The following HDAC9 variants were observed in gnomAD, a reference collection of about 807,000 sequenced individuals.
HDAC9 encodes the protein MEF-2 interacting transcription repressor (MITR) protein.
Under a neutral mutation model 139.4 loss-of-function variants are expected in HDAC9, and 41 were observed. The observed-to-expected ratio is 0.29, with a 90% CI of 0.23 to 0.38. The LOEUF (loss-of-function observed/expected upper bound fraction) is 0.38. HDAC9 is among the 10% of genes least tolerant of loss of function. The pLI is 1.00. For synonymous variants in HDAC9, 517 were observed against 476.2 expected (o/e 1.09, Z -1.12); for missense variants, 1,147 against 1,297.0 (o/e 0.88, Z 1.78).
chr7:18,487,845 G>A (rs1407585549), intron 1 of HDAC9, among the ~76,000 whole-genome samples: 1 of 151,984 alleles, frequency 6.6e-6, no homozygotes, highest in East Asian at 1.9e-4. Flanking sequence ...TTTGTAGCAA[G>A]AAATGATGTA....
At chr7:18,759,495 AG>A (rs753093949) in intron 14 of HDAC9, among the ~76,000 whole-genome samples, 2 of 151,942 alleles carry the variant, frequency 1.3e-5, no homozygotes, top group Non-Finnish European at 2.9e-5. Context: ...TCACCCCCAG[AG>A]GGGACCATCT....
At chr7:18,383,242 C>G (rs1035612149) in intron 1 of HDAC9, among the ~76,000 whole-genome samples, 2 of 152,170 alleles carry the variant, frequency 1.3e-5, no homozygotes, top group Admixed American at 1.3e-4. Context: ...ACCCAGAAAT[C>G]GATGTGCTCG....
At chr7:18,697,900 A>G (rs554320531) in intron 12 of HDAC9, among the ~76,000 whole-genome samples, 6 of 152,226 alleles carry the variant, frequency 3.9e-5, no homozygotes, top group African/African-American at 1.4e-4. Context: ...GGTGATCAGT[A>G]CTAAAGCCTT....
rs144142006 is a variant in HDAC9 at position 18,902,637 on chromosome 7, A to G, written c.2803+28041A>G. On this transcript the variant is annotated intron_variant, in intron 22 of 25. Transcript: ENST00000686413. ...CAATTGACAAGGGCAGGGGGAAATGATTGAATGAACTGCATCACTGAAATA... is the reference window on the plus strand; with the variant it reads ...CAATTGACAAGGGCAGGGGGAAATGGTTGAATGAACTGCATCACTGAAATA... Among the ~76,000 whole-genome samples, 41 of 152,316 alleles carry G rather than the reference A, an allele frequency of 2.7e-4. 1 individual carries two copies. Among genetic ancestry groups the G allele is most frequent in the African/African-American group, 9.9e-4 (41 of 41,568 alleles).
chr7:18,320,386 T>A (rs1224310127), intron 1 of HDAC9, among the ~76,000 whole-genome samples: 1 of 152,200 alleles, frequency 6.6e-6, no homozygotes, highest in African/African-American at 2.4e-5. Context: ...GCTCTTATTT[T>A]TCAGGACAGT....
intron 17 of HDAC9, among the ~76,000 whole-genome samples, chr7:18,826,985 C>T (rs1430254814): frequency 6.6e-6 from 1 of 151,738 alleles, no homozygotes; most frequent in Non-Finnish European, 1.5e-5. Context: ...GGGTGCAGTG[C>T]TGCACAGCTG....
At chr7:18,653,847 T>C (rs1790174696) in intron 11 of HDAC9, among the ~76,000 whole-genome samples, 1 of 152,130 alleles carries the variant, frequency 6.6e-6, no homozygotes, top group South Asian at 2.1e-4. Context: ...TTTGACATAA[T>C]TTTCTAACAT....
intron 16 of HDAC9, among the ~76,000 whole-genome samples, chr7:18,788,856 C>T (rs576863556): frequency 9.2e-5 from 14 of 152,012 alleles, no homozygotes; most frequent in East Asian, 1.9e-4. Context: ...GCTCACATGT[C>T]GCTTTCTGTG....
At chr7:18,243,309 G>T (rs893794414) in intron 2 of HDAC9, among the ~76,000 whole-genome samples, 1 of 152,166 alleles carries the variant, frequency 6.6e-6, no homozygotes, top group African/African-American at 2.4e-5. Context: ...TGGTTCTAAG[G>T]ACTAAAGCAT....
At chr7:18,468,479 G>C (rs753389174) in intron 1 of HDAC9, among the ~76,000 whole-genome samples, 1 of 151,940 alleles carries the variant, frequency 6.6e-6, no homozygotes, top group East Asian at 1.9e-4. Context: ...GCCCAGGCTG[G>C]AATGCAGTGG....
At chr7:18,582,818 G>A (rs1828238233) in intron 2 of HDAC9, among the ~76,000 whole-genome samples, 1 of 152,054 alleles carries the variant, frequency 6.6e-6, no homozygotes, top group Non-Finnish European at 1.5e-5. Context: ...TTCTTGATAC[G>A]TATTACCAAA....
intron 2 of HDAC9, among the ~76,000 whole-genome samples, chr7:18,512,208 G>A (rs1801740984): frequency 6.6e-6 from 1 of 152,172 alleles, no homozygotes; most frequent in East Asian, 1.9e-4. Flanking sequence ...TCTCTTTAAT[G>A]TCAGGAATTG....
intron 1 of HDAC9, among the ~76,000 whole-genome samples, chr7:18,352,765 G>GT (rs917823953): frequency 6.6e-5 from 10 of 151,868 alleles, no homozygotes; most frequent in African/African-American, 1.9e-4. Flanking sequence ...GCTGATGTTT[G>GT]TTTTTTTCCC....
intron 21 of HDAC9, among the ~76,000 whole-genome samples, chr7:18,859,093 T>A (rs1797899957): frequency 6.6e-6 from 1 of 152,196 alleles, no homozygotes; most frequent in Admixed American, 6.5e-5. Flanking sequence ...ACAACTTGAC[T>A]GATTATCTTA....
intron 21 of HDAC9, among the ~76,000 whole-genome samples, chr7:18,854,761 A>T (rs1797551623): frequency 6.6e-6 from 1 of 152,166 alleles, no homozygotes; most frequent in African/African-American, 2.4e-5. Context: ...GTAAGGAGCC[A>T]CTACAGCAAG....
At chr7:18,815,562 C>T (rs539098442) in intron 17 of HDAC9, among the ~76,000 whole-genome samples, 3 of 152,200 alleles carry the variant, frequency 2.0e-5, no homozygotes, top group Admixed American at 6.5e-5. Context: ...TGGTTTTTCA[C>T]GAATGCATTT....
intron 23 of HDAC9, among the ~76,000 whole-genome samples, chr7:18,948,551 G>A (rs1782565632): frequency 1.3e-5 from 2 of 152,202 alleles, no homozygotes; most frequent in East Asian, 1.9e-4. Context: ...TTTGTACAAT[G>A]TTTGAAACTT....
intron 2 of HDAC9, among the ~76,000 whole-genome samples, chr7:18,279,607 A>G (rs2128219072): frequency 6.6e-6 from 1 of 151,924 alleles, no homozygotes; most frequent in Non-Finnish European, 1.5e-5. Flanking sequence ...CTGGGACTAC[A>G]GGCGCCCGCC....
intron 12 of HDAC9, among the ~76,000 whole-genome samples, chr7:18,695,299 G>A (rs1390720736): frequency 6.6e-6 from 1 of 152,160 alleles, no homozygotes; most frequent in African/African-American, 2.4e-5. Flanking sequence ...GAGGGAACAC[G>A]AGATAATGCT....
Sources: allele counts gnomAD v4.1 joint callset (sites outside exome capture counted in the v4.1 genomes callset), GRCh38; gene constraint gnomAD v4.1.1; transcripts MANE v1.5; gene names NCBI Gene and HGNC (gene_info 2026-07-23, HGNC 2026-07-21).